RTN4R: variants seen among roughly 807,000 people sequenced by gnomAD.
RTN4R encodes reticulon 4 receptor.
A neutral mutation model predicts 27.7 loss-of-function variants in RTN4R; 4 were observed. The observed-to-expected ratio is 0.14, with a 90% CI of 0.07 to 0.33. RTN4R has a LOEUF of 0.33. Ranked by LOEUF, RTN4R falls within the 10% of genes least tolerant of loss-of-function variation. The pLI, the probability that RTN4R is intolerant of heterozygous loss-of-function variation, is 1.00. For synonymous variants in RTN4R, 290 were observed against 305.6 expected (o/e 0.95, Z 0.53); for missense variants, 554 against 671.5 (o/e 0.83, Z 1.93).
intron 1 of RTN4R, among the ~76,000 whole-genome samples, chr22:20,256,703 C>T (rs946424845): frequency 1.1e-4 from 16 of 152,326 alleles, no homozygotes; most frequent in Middle Eastern, 3.4e-3. Context: ...TGCCCCGTCC[C>T]GCTCACTCCT....
In RTN4R at chr22:20,242,266, G is replaced by T; in HGVS notation, c.867C>A (p.Leu289=). 6.3e-7 allele frequency: 1 copy of T among 1,598,926 alleles called. No individual in the cohort carries two copies. Among genetic ancestry groups the T allele is most frequent in the Non-Finnish European group, 8.5e-7 (1 of 1,173,876 alleles). The part of the protein sequence containing the change: ...RGSSSEVPCS[L]PQRLAGRDLK... Reference sequence around the variant, plus strand: ...GGTCACGGCCAGCCAGGCGTTGCGGGAGGCTGCAGGGCACCTCGGAGGAGG... The same window carrying T: ...GGTCACGGCCAGCCAGGCGTTGCGGTAGGCTGCAGGGCACCTCGGAGGAGG... The change falls in exon 2 of 2, where the codon CTC becomes CTA. Residue 289 remains leucine, a synonymous_variant. Transcript: ENST00000043402.
intron 1 of RTN4R, among the ~76,000 whole-genome samples, chr22:20,253,633 C>T (rs192703053): frequency 1.2e-3 from 190 of 152,270 alleles, no homozygotes; most frequent in African/African-American, 4.3e-3. Context: ...GACCACCAGG[C>T]ATCCGGAAAA....
Position 20,268,289 on chromosome 22 carries a change from CACAGGGCGAGGGCGGCGGCGGCGCG to C in RTN4R, c.-222_-198del, listed in dbSNP as rs2051292504. On this transcript the variant is annotated 5_prime_UTR_variant, in exon 1 of 2. Coordinates refer to ENST00000043402, the MANE Select transcript of RTN4R (RefSeq NM_023004.6). ...GCGGGTGCGCAGGGCGCGCAGGGCGCACAGGGCGAGGGCGGCGGCGGCGCGGGGGTTGGGGCGTGGGCGGCGCGGC... is the reference window on the plus strand; with the variant it reads ...GCGGGTGCGCAGGGCGCGCAGGGCGCGGGGTTGGGGCGTGGGCGGCGCGGC... 6.8e-5 allele frequency: 10 copies of C among 146,472 alleles called. No homozygotes were observed. The highest frequency in any genetic ancestry group is 1.1e-4 in the Non-Finnish European group (7 of 66,370). The allele number at this position is 146,472 out of a possible 1,614,324, so 9.1% of individuals were successfully genotyped here. A position where few individuals can be genotyped will look rare whatever the true frequency, so the allele number is the denominator to read the frequency against.
At chr22:20,266,898 G>A (rs560295787) in intron 1 of RTN4R, among the ~76,000 whole-genome samples, 1 of 152,280 alleles carries the variant, frequency 6.6e-6, no homozygotes, top group Admixed American at 6.5e-5. Context: ...ACACAAGCCC[G>A]AGGCGGGGAC....
chr22:20,241,759 G>T lies in RTN4R; in HGVS notation c.1374C>A (p.Thr458=), dbSNP rs745415553. The T allele has an allele frequency of 1.9e-6, 3 of 1,553,004 alleles. No homozygotes were observed. Among genetic ancestry groups the T allele is most frequent in the South Asian group, 2.4e-5 (2 of 84,480 alleles). Residue 458 remains threonine, a synonymous_variant, in exon 2 of 2, where the codon ACC becomes ACA. Transcript: ENST00000043402. ...GALPSLTCSL[T]PLGLALVLWT... is the part of the protein sequence containing the mutation. ...ACAGCACCAGCGCCAGGCCCAGGGGGGTGAGGCTGCAGGTGAGGCTGGGTA... is the reference window on the plus strand; with the variant it reads ...ACAGCACCAGCGCCAGGCCCAGGGGTGTGAGGCTGCAGGTGAGGCTGGGTA...
intron 1 of RTN4R, chr22:20,249,150 T>C (rs1172464414): frequency 5.6e-6 from 3 of 534,400 alleles, no homozygotes; most frequent in Non-Finnish European, 1.2e-5. Context: ...CACCAAGGGC[T>C]CATCTTGGTC....
At chr22:20,249,809 G>T (rs2051165117) in intron 1 of RTN4R, among the ~76,000 whole-genome samples, 1 of 152,238 alleles carries the variant, frequency 6.6e-6, no homozygotes, top group African/African-American at 2.4e-5. Context: ...CAGGCGAGCG[G>T]CCTCTGTCCG....
Position 20,241,783 on chromosome 22 carries a change from T to C in RTN4R, c.1350A>G (p.Leu450=). 6.4e-7 allele frequency: 1 copy of C among 1,558,926 alleles called. No individual in the cohort carries two copies. The highest frequency in any genetic ancestry group is 8.7e-7 in the Non-Finnish European group (1 of 1,152,044). ...GTGDSEGSGA[L]PSLTCSLTPL... is the part of the protein sequence containing the mutation. ...GGGTGAGGCTGCAGGTGAGGCTGGG[T>C]AGGGCACCTGAGCCTTCTGAGTCAC... The change falls in exon 2 of 2, where the codon CTA becomes CTG. Residue 450 remains leucine (L), a synonymous_variant. Transcript: ENST00000043402.
At chr22:20,246,653 C>T (rs2051143143) in intron 1 of RTN4R, among the ~76,000 whole-genome samples, 1 of 152,298 alleles carries the variant, frequency 6.6e-6, no homozygotes, top group East Asian at 1.9e-4. Flanking sequence ...GGTCCCTGGC[C>T]CCCACTGTTC....
chr22:20,244,025 C>T (rs1465549045), intron 1 of RTN4R, among the ~76,000 whole-genome samples: 2 of 152,236 alleles, frequency 1.3e-5, no homozygotes, highest in East Asian at 1.9e-4. Context: ...AGTAAGCTTT[C>T]CTGCCTCTCA....
chr22:20,251,181 C>T (rs1419611908), intron 1 of RTN4R, among the ~76,000 whole-genome samples: 2 of 152,136 alleles, frequency 1.3e-5, no homozygotes, highest in Non-Finnish European at 2.9e-5. Flanking sequence ...CATCAAGCTG[C>T]CTCCCTGGGC....
rs1196861161 is a variant in RTN4R, at chr22:20,267,396, C to G, written c.22+675G>C. ...CCGCGGGACCTCACAGCCGGTGGGGCGGGGGAGTCCCACGAGGGCTGCTAG... is the reference window on the plus strand; with the variant it reads ...CCGCGGGACCTCACAGCCGGTGGGGGGGGGGAGTCCCACGAGGGCTGCTAG... On this transcript the variant is annotated intron_variant, in intron 1 of 1. Transcript: ENST00000043402. Among the ~76,000 whole-genome samples the G allele has an allele frequency of 1.3e-5, 2 of 152,166 alleles. 1 individual carries two copies.
Position 20,241,760 on chromosome 22 carries a change from G to A in RTN4R, c.1373C>T (p.Thr458Ile). The change falls in exon 2 of 2, where the codon ACC becomes ATC. Residue 458 changes from threonine (T) to isoleucine (I), a missense_variant. Transcript: ENST00000043402. ...CAGCACCAGCGCCAGGCCCAGGGGG[G>A]TGAGGCTGCAGGTGAGGCTGGGTAG... is the stretch of plus-strand genomic sequence containing the variant. ...GALPSLTCSL[T>I]PLGLALVLWT... 5 of 1,553,090 alleles carry A rather than the reference G, an allele frequency of 3.2e-6. No homozygotes were observed. The highest frequency in any genetic ancestry group is 3.5e-6 in the Non-Finnish European group (4 of 1,148,348).
intron 1 of RTN4R, among the ~76,000 whole-genome samples, chr22:20,262,254 A>G (rs568157243): frequency 1.6e-4 from 24 of 152,256 alleles, no homozygotes; most frequent in Admixed American, 1.5e-3. Flanking sequence ...CAAGGTGTGT[A>G]GTGTGGGGAG....
At chr22:20,251,892 C>CATCATCATCATCCTCATCACCATG (rs1479191106) in intron 1 of RTN4R, among the ~76,000 whole-genome samples, 1 of 26,770 alleles carries the variant, frequency 3.7e-5, no homozygotes, top group Non-Finnish European at 7.4e-5. Flanking sequence ...TCACTATCAC[C>CATCATCATCATCCTCATCACCATG]ACCATCATCA....
chr22:20,259,388 C>A (rs1373861093), intron 1 of RTN4R, among the ~76,000 whole-genome samples: 1 of 152,180 alleles, frequency 6.6e-6, no homozygotes, highest in Non-Finnish European at 1.5e-5. Context: ...TCAGCCTCTG[C>A]CTGACATAAA....
At chr22:20,243,696 A>G in intron 1 of RTN4R, 1 of 371,392 alleles carries the variant, frequency 2.7e-6, no homozygotes, top group Non-Finnish European at 5.6e-6. Context: ...TCCTCCTTTC[A>G]AGCACTTCCT....
At position 20,242,466 on chromosome 22, in the gene RTN4R, G is replaced by A. The variant is rs747765641; in HGVS notation, c.667C>T (p.Arg223Cys). Residue 223 changes from arginine (R) to cysteine (C), a missense_variant, in exon 2 of 2, where the codon CGT becomes TGT. Around this residue, in one of 2 missense-constraint regions of RTN4R, gnomAD observed 413 missense variants for 542.3 expected, o/e 0.76. Transcript: ENST00000043402. Reference protein sequence around the residue: ...RVAHVHPHAFRDLGRLMTLYL... With the variant: ...RVAHVHPHAFCDLGRLMTLYL... Reference sequence around the variant, plus strand: ...AGTGTCATGAGGCGGCCAAGGTCACGGAAGGCATGCGGGTGCACATGGGCC... The same window carrying A: ...AGTGTCATGAGGCGGCCAAGGTCACAGAAGGCATGCGGGTGCACATGGGCC... 8.7e-6 allele frequency: 14 copies of A among 1,613,582 alleles called. No individual in the cohort carries two copies. The highest frequency in any genetic ancestry group is 1.6e-4 in the Middle Eastern group (1 of 6,084).
intron 1 of RTN4R, among the ~76,000 whole-genome samples, chr22:20,259,492 A>AG (rs932840404): frequency 5.1e-4 from 78 of 152,124 alleles, no homozygotes; most frequent in Non-Finnish European, 9.9e-4. Context: ...AGCTGCAGGC[A>AG]GCCTCCTGCT....
Sources: allele counts gnomAD v4.1 joint callset (sites outside exome capture counted in the v4.1 genomes callset), GRCh38; gene constraint gnomAD v4.1.1; regional missense constraint gnomAD v4.1.1; transcripts MANE v1.5; gene names NCBI Gene and HGNC (gene_info 2026-07-23, HGNC 2026-07-21).